Variants in CUX1 observed in about 807,000 individuals in gnomAD.
CUX1 encodes protein CASP.
Under a neutral mutation model 158.8 loss-of-function variants are expected in CUX1, and 31 were observed. The ratio of observed to expected loss-of-function variants is 0.20; its 90% CI spans 0.15 to 0.26. CUX1 has a LOEUF of 0.26. Among genes scored for constraint, CUX1 ranks in the 10% least tolerant of loss-of-function variants. The pLI, the probability that CUX1 is intolerant of heterozygous loss-of-function variation, is 1.00. For synonymous variants in CUX1, 879 were observed against 862.1 expected (o/e 1.02, Z -0.34); for missense variants, 1,589 against 2,014.6 (o/e 0.79, Z 4.04).
At chr7:102,026,836 A>C (rs970460006) in intron 2 of CUX1, among the ~76,000 whole-genome samples, 6 of 151,670 alleles carry the variant, frequency 4.0e-5, no homozygotes, top group Admixed American at 6.6e-5. Flanking sequence ...AAAAAAAAAA[A>C]AAAAAAAACA....
chr7:101,822,778 A>G (rs1352264296), intron 1 of CUX1, among the ~76,000 whole-genome samples: 1 of 152,050 alleles, frequency 6.6e-6, no homozygotes, highest in Non-Finnish European at 1.5e-5. Context: ...GCGCATATCC[A>G]TAATCCCAGA....
chr7:101,928,936 C>T (rs994265655), intron 2 of CUX1, among the ~76,000 whole-genome samples: 10 of 151,774 alleles, frequency 6.6e-5, no homozygotes, highest in Admixed American at 4.6e-4. Context: ...TCCCAAAGTG[C>T]TGAGATTACA....
intron 10 of CUX1, 69 bp from the exon 11 acceptor site, chr7:102,178,400 C>A: frequency 6.9e-7 from 1 of 1,443,984 alleles, no homozygotes; most frequent in Non-Finnish European, 9.4e-7. Context: ...TCTCAGTTGC[C>A]AGCACAGGTA....
At position 102,027,006 on chromosome 7, in the gene CUX1, A is replaced by G. The variant is rs539791016; in HGVS notation, c.142-1092A>G. Among the ~76,000 whole-genome samples, 388 of 152,178 alleles carry G rather than the reference A, an allele frequency of 2.5e-3. 2 individuals carry two copies. The highest frequency in any genetic ancestry group is 4.1e-3 in the Non-Finnish European group (277 of 68,008). Reference sequence around the variant, plus strand: ...GATGTCCTGGTGTTTCGAAATGGGCACTGGTGGCATGGGATAAAATTTATT... The same window carrying G: ...GATGTCCTGGTGTTTCGAAATGGGCGCTGGTGGCATGGGATAAAATTTATT... On this transcript the variant is annotated intron_variant, in intron 2 of 23. Coordinates refer to ENST00000292535, the MANE Select transcript of CUX1 (RefSeq NM_181552.4).
At chr7:101,950,409 G>GT (rs751715150) in intron 2 of CUX1, among the ~76,000 whole-genome samples, 61 of 151,602 alleles carry the variant, frequency 4.0e-4, no homozygotes, top group South Asian at 2.5e-3. Context: ...ATAGTTTGTT[G>GT]TTTTTTTAAA....
intron 11 of CUX1, among the ~76,000 whole-genome samples, chr7:102,187,591 C>T (rs530390312): frequency 2.0e-5 from 3 of 152,230 alleles, no homozygotes; most frequent in Admixed American, 2.0e-4. Context: ...CTCTGTCTGC[C>T]TTATTCCCAG....
rs181038847 is a variant in CUX1 at position 102,032,495 on chromosome 7, G to A, written c.189+4350G>A. ...AGCCTGGCCAACATGATGAAACCCC[G>A]TCTAATAGACTAAACATACAAAAAT... On this transcript the variant is annotated intron_variant, in intron 3 of 23. Transcript: ENST00000292535. Among the ~76,000 whole-genome samples the A allele has an allele frequency of 6.6e-5, 10 of 151,814 alleles. No individual in the cohort carries two copies. The East Asian group carries it at 1.4e-3, about 21-fold the overall frequency.
At chr7:101,838,557 C>T (rs1051843201) in intron 1 of CUX1, among the ~76,000 whole-genome samples, 4 of 150,920 alleles carry the variant, frequency 2.7e-5, no homozygotes, top group Non-Finnish European at 5.9e-5. Flanking sequence ...ATCCCAGCAC[C>T]TTGGGAGGCC....
intron 2 of CUX1, among the ~76,000 whole-genome samples, chr7:102,003,347 G>A (rs1013548031): frequency 8.6e-6 from 1 of 116,120 alleles, no homozygotes; most frequent in Non-Finnish European, 1.9e-5. Context: ...CCCGCCCCCC[G>A]CTCCACTGTT....
chr7:101,950,823 T>C (rs1470214025), intron 2 of CUX1, among the ~76,000 whole-genome samples: 1 of 152,200 alleles, frequency 6.6e-6, no homozygotes, highest in Non-Finnish European at 1.5e-5. Context: ...AGTGCTGGGA[T>C]TACAGGCGTG....
chr7:102,174,576 T>C (rs936780497), intron 10 of CUX1, among the ~76,000 whole-genome samples: 1 of 152,230 alleles, frequency 6.6e-6, no homozygotes, highest in Admixed American at 6.5e-5. Context: ...TCTTTCTTCA[T>C]TCTCCCTTAT....
chr7:101,925,001 C>A (rs183463082), intron 2 of CUX1, among the ~76,000 whole-genome samples: 51 of 152,314 alleles, frequency 3.3e-4, no homozygotes, highest in Non-Finnish European at 6.0e-4. Context: ...CCTCATTAGA[C>A]CCTAAAACCA....
rs1017849844 is a variant in CUX1 at position 102,251,740 on chromosome 7, C to T, written c.*2698C>T. ...CACAAAACCCTCAAGGGACTTTTGTCATCATGTGTGATGAATCTTTAAATA... is the reference window on the plus strand; with the variant it reads ...CACAAAACCCTCAAGGGACTTTTGTTATCATGTGTGATGAATCTTTAAATA... On this transcript the variant is annotated 3_prime_UTR_variant, in exon 24 of 24. Transcript: ENST00000292535. 1.0e-5 allele frequency: 10 copies of T among 985,200 alleles called. No individual in the cohort carries two copies. Among genetic ancestry groups the T allele is most frequent in the Non-Finnish European group, 1.2e-5 (10 of 829,910 alleles). The allele number at this position is 985,200 out of a possible 1,614,324, so 61.0% of individuals were successfully genotyped here.
At chr7:102,267,818 C>A (rs939328940) in intron 14 of CUX1, among the ~76,000 whole-genome samples, 1 of 152,164 alleles carries the variant, frequency 6.6e-6, no homozygotes, top group Non-Finnish European at 1.5e-5. Context: ...AGGTGCACAC[C>A]ACCATGCCCG....
chr7:101,882,986 G>C (rs895348237), intron 1 of CUX1, among the ~76,000 whole-genome samples: 9 of 152,206 alleles, frequency 5.9e-5, no homozygotes, highest in African/African-American at 2.2e-4. Context: ...ACCTCTGGGT[G>C]GTGAGCTGGC....
At chr7:102,183,293 C>T (rs1299715154) in intron 11 of CUX1, among the ~76,000 whole-genome samples, 10 of 151,814 alleles carry the variant, frequency 6.6e-5, no homozygotes, top group Non-Finnish European at 1.5e-4. Flanking sequence ...GGATTACAGG[C>T]GTGAGCCATC....
intron 2 of CUX1, among the ~76,000 whole-genome samples, chr7:101,980,513 TAAAAC>T (rs1813299488): frequency 6.6e-6 from 1 of 151,974 alleles, no homozygotes; most frequent in South Asian, 2.1e-4. Flanking sequence ...TGTTTCCAAT[TAAAAC>T]AATAAAAATC....
At chr7:101,990,140 C>G (rs1055675010) in intron 2 of CUX1, among the ~76,000 whole-genome samples, 3 of 152,034 alleles carry the variant, frequency 2.0e-5, no homozygotes, top group African/African-American at 7.2e-5. Flanking sequence ...AAGATGATCT[C>G]TTGAACCCGG....
Position 102,280,104 on chromosome 7 carries a change from C to G in CUX1, c.1748C>G (p.Ser583Cys), listed in dbSNP as rs576314207. 42 of 1,609,890 alleles carry G rather than the reference C, an allele frequency of 2.6e-5. No homozygotes were observed. The East Asian group carries it at 8.7e-4, about 33-fold the overall frequency. Residue 583 changes from serine to cysteine, a missense_variant, in exon 19 of 23, where the codon TCC becomes TGC. By Grantham distance (112) the Ser-to-Cys change is moderately radical (BLOSUM62 -1). Transcript: ENST00000292538. ...TACGAGGAGCGCCTGGACCCCTTCT[C>G]CTCCTTCAGCAAGCGGGTTCGTGAG...
Sources: allele counts gnomAD v4.1 joint callset (sites outside exome capture counted in the v4.1 genomes callset), GRCh38; gene constraint gnomAD v4.1.1; transcripts MANE v1.5; gene names NCBI Gene and HGNC (gene_info 2026-07-23, HGNC 2026-07-21).